PITPNC1: variants seen among roughly 807,000 people sequenced by gnomAD.
The protein encoded by PITPNC1 is phosphatidylinositol transfer protein cytoplasmic 1, also known as cytoplasmic phosphatidylinositol transfer protein 1.
A neutral mutation model predicts 44.7 loss-of-function variants in PITPNC1; 18 were observed. The observed-to-expected ratio is 0.40, with a 90% CI of 0.28 to 0.60. The LOEUF (loss-of-function observed/expected upper bound fraction) is 0.60. Among genes scored for constraint, PITPNC1 ranks in the 20% least tolerant of loss-of-function variants. The probability of loss-of-function intolerance (pLI) is 0.39; values close to 1 mark genes in which losing one functional copy is unlikely to be tolerated. For missense variants in PITPNC1, 290 were observed against 418.4 expected (o/e 0.69, Z 2.68); for synonymous variants, 141 against 149.6 (o/e 0.94, Z 0.42).
At chr17:67,439,078 A>T (rs1353388340) in intron 1 of PITPNC1, among the ~76,000 whole-genome samples, 2 of 152,216 alleles carry the variant, frequency 1.3e-5, no homozygotes, top group Non-Finnish European at 2.9e-5. Context: ...TTGGTTTCGG[A>T]CACACAGTAG....
At chr17:67,379,171 C>G in intron 1 of PITPNC1, 1 of 985,826 alleles carries the variant, frequency 1.0e-6, no homozygotes, top group Non-Finnish European at 1.2e-6. Context: ...AGCAAGGCAA[C>G]GTGAAACTCA....
chr17:67,445,057 G>GT (rs924342338), intron 1 of PITPNC1, among the ~76,000 whole-genome samples: 2 of 151,900 alleles, frequency 1.3e-5, no homozygotes, highest in African/African-American at 4.8e-5. Context: ...TTTTAGGGAG[G>GT]TAACAGATGA....
At chr17:67,435,062 T>C (rs1321018157) in intron 1 of PITPNC1, among the ~76,000 whole-genome samples, 1 of 132,042 alleles carries the variant, frequency 7.6e-6, no homozygotes, top group Non-Finnish European at 1.5e-5. Context: ...TGAGCTGAGA[T>C]CACGCCACTG....
At chr17:67,493,567 C>G (rs1384823504) in intron 1 of PITPNC1, among the ~76,000 whole-genome samples, 1 of 152,186 alleles carries the variant, frequency 6.6e-6, no homozygotes, top group Non-Finnish European at 1.5e-5. Context: ...GCGGATAAGA[C>G]TAGATTAAAA....
At chr17:67,445,630 G>A (rs1010045343) in intron 1 of PITPNC1, among the ~76,000 whole-genome samples, 2 of 152,032 alleles carry the variant, frequency 1.3e-5, no homozygotes, top group Admixed American at 6.6e-5. Flanking sequence ...CCAGGCATTC[G>A]TTAGTTGGGG....
At chr17:67,584,636 A>G (rs1479418923) in intron 5 of PITPNC1, among the ~76,000 whole-genome samples, 3 of 152,232 alleles carry the variant, frequency 2.0e-5, no homozygotes, top group Non-Finnish European at 4.4e-5. Flanking sequence ...GTGAAGTGCC[A>G]TGCAAATAAG....
intron 5 of PITPNC1, among the ~76,000 whole-genome samples, chr17:67,630,449 T>C (rs1333985373): frequency 2.0e-5 from 3 of 151,956 alleles, no homozygotes; most frequent in East Asian, 1.9e-4. Context: ...GAAACCCCCA[T>C]CTCTACTAAA....
intron 1 of PITPNC1, among the ~76,000 whole-genome samples, chr17:67,468,938 A>G (rs947648665): frequency 6.6e-6 from 1 of 152,136 alleles, no homozygotes; most frequent in Non-Finnish European, 1.5e-5. Flanking sequence ...CATGTTGGCC[A>G]GGCTGGTCTC....
chr17:67,640,094 G>A (rs972466184), intron 6 of PITPNC1, among the ~76,000 whole-genome samples: 2 of 149,684 alleles, frequency 1.3e-5, no homozygotes, highest in Non-Finnish European at 3.0e-5. Context: ...TTTTTTTCCC[G>A]TTTCCCTCAA....
chr17:67,691,677 C>T (rs2042929123), intron 8 of PITPNC1, among the ~76,000 whole-genome samples: 1 of 152,056 alleles, frequency 6.6e-6, no homozygotes, highest in Admixed American at 6.5e-5. Flanking sequence ...CTTTGTGGCC[C>T]CTCAGAATAA....
intron 1 of PITPNC1, among the ~76,000 whole-genome samples, chr17:67,383,808 G>A (rs2038000711): frequency 6.6e-6 from 1 of 152,206 alleles, no homozygotes; most frequent in Admixed American, 6.5e-5. Context: ...GGAGGCTGAG[G>A]CGGGTGGATC....
intron 1 of PITPNC1, among the ~76,000 whole-genome samples, chr17:67,445,176 T>C (rs1309628000): frequency 6.6e-6 from 1 of 152,032 alleles, no homozygotes; most frequent in Non-Finnish European, 1.5e-5. Flanking sequence ...GTTGACCGAC[T>C]TCAGTGTTTT....
Position 67,692,791 on chromosome 17 carries a change from C to G in PITPNC1, c.902C>G (p.Pro301Arg), listed in dbSNP as rs2042953808. The change falls in exon 9 of 9, where the codon CCA (proline) becomes CGA (arginine). Residue 301 changes from proline (P) to arginine (R), a missense_variant. Transcript: ENST00000581322. ...GATCGGCCCCGGAAAAAGTCTGCCC[C>G]AGAAACTCTCACACTTCCAGACCCT... ...PKDRPRKKSA[P>R]ETLTLPDPEK... The G allele has an allele frequency of 6.2e-7, 1 of 1,613,660 alleles. No individual in the cohort carries two copies.
chr17:67,631,627 TCAAAAAC>T (rs1321719886), intron 5 of PITPNC1, among the ~76,000 whole-genome samples: 60 of 3,916 alleles, frequency 0.015, 2 homozygotes, highest in Admixed American at 0.04. Flanking sequence ...AGACTCCGTC[TCAAAAAC>T]CAAAAAAAAA....
intron 6 of PITPNC1, among the ~76,000 whole-genome samples, chr17:67,652,660 C>T (rs1040362886): frequency 3.3e-5 from 5 of 152,306 alleles, no homozygotes; most frequent in South Asian, 2.1e-4. Flanking sequence ...GCTGCCGGGC[C>T]GAGAGGAGCT....
At chr17:67,423,973 A>G (rs776027173) in intron 1 of PITPNC1, among the ~76,000 whole-genome samples, 1 of 151,872 alleles carries the variant, frequency 6.6e-6, no homozygotes, top group Non-Finnish European at 1.5e-5. Flanking sequence ...GTTTAACACC[A>G]ATCCAAAACC....
chr17:67,461,940 A>G (rs2039343800), intron 1 of PITPNC1, among the ~76,000 whole-genome samples: 1 of 152,178 alleles, frequency 6.6e-6, no homozygotes, highest in Non-Finnish European at 1.5e-5. Context: ...TCACAGAACT[A>G]TGGAGCTCCA....
rs2041917412 is a variant in PITPNC1, at chr17:67,628,085, C to G, written c.367-4058C>G. Among the ~76,000 whole-genome samples, 3 of 152,004 alleles carry G rather than the reference C, an allele frequency of 2.0e-5. No individual in the cohort carries two copies. In the South Asian group the frequency reaches 6.2e-4, roughly 32 times the overall value. On this transcript the variant is annotated intron_variant, in intron 5 of 8. Coordinates refer to ENST00000581322, the MANE Select transcript of PITPNC1 (RefSeq NM_012417.4). ...GGGTTCACAGGCATGTGCCACCACA[C>G]CCGGCTGGGGTTTCACCATGTGGAC...
At chr17:67,688,458 T>C (rs2042862285) in intron 8 of PITPNC1, among the ~76,000 whole-genome samples, 1 of 152,106 alleles carries the variant, frequency 6.6e-6, no homozygotes, top group East Asian at 1.9e-4. Context: ...AGTTAAATTT[T>C]TGGAGCATGT....
Sources: gnomAD v4.1 joint callset for allele counts (sites outside exome capture counted in the v4.1 genomes callset) on GRCh38, gnomAD v4.1.1 for gene constraint, MANE v1.5 for transcripts, NCBI Gene and HGNC (gene_info 2026-07-23, HGNC 2026-07-21) for gene names.